COL4A4: variants seen among roughly 807,000 people sequenced by gnomAD.
COL4A4 encodes collagen type IV alpha 4 chain.
In COL4A4, 105 loss-of-function variants were observed where a neutral mutation model predicts 192.9. That is an observed-to-expected ratio of 0.54 (90% CI 0.46 to 0.64). The LOEUF (loss-of-function observed/expected upper bound fraction) is 0.64. Among genes scored for constraint, COL4A4 ranks in the 30% least tolerant of loss-of-function variants. COL4A4 has a pLI of 0.00. For synonymous variants in COL4A4, 762 were observed against 769.9 expected (o/e 0.99, Z 0.17); for missense variants, 1,967 against 2,169.3 (o/e 0.91, Z 1.85).
intron 25 of COL4A4, among the ~76,000 whole-genome samples, chr2:227,065,937 G>A (rs1231580026): frequency 6.6e-6 from 1 of 152,128 alleles, no homozygotes; most frequent in Non-Finnish European, 1.5e-5. Context: ...GAGCTACGGG[G>A]GAACATTCAA....
intron 44 of COL4A4, among the ~76,000 whole-genome samples, chr2:227,019,786 G>C (rs976522854): frequency 1.3e-4 from 20 of 152,224 alleles, no homozygotes; most frequent in African/African-American, 3.9e-4. Flanking sequence ...TCCTGCCTCA[G>C]CCTCCTAAGT....
intron 12 of COL4A4, 76 bp from the exon 13 acceptor site, chr2:227,104,128 A>G (rs760681749): frequency 1.6e-5 from 19 of 1,210,030 alleles, no homozygotes; most frequent in Non-Finnish European, 2.2e-5. Context: ...GTATTGTGGT[A>G]TAATGCTTCC....
Position 227,103,962 on chromosome 2 carries a change from T to C in COL4A4, c.816+10A>G, listed in dbSNP as rs2150805253. 1 of 1,606,826 alleles carries C rather than the reference T, an allele frequency of 6.2e-7. No homozygotes were observed. Among genetic ancestry groups the C allele is most frequent in the Non-Finnish European group, 8.5e-7 (1 of 1,173,918 alleles). ...TACTTTCCAAGGTGACATATGGATT[T>C]GGGAATTACCTTTTCTCCTTTATAG... On this transcript the variant is annotated intron_variant, in intron 13 of 47. Transcript: ENST00000396625.
rs572923977 is a variant in COL4A4, at chr2:227,060,223, G to A, written c.2077C>T (p.Pro693Ser). 7 of 1,612,286 alleles carry A rather than the reference G, an allele frequency of 4.3e-6. No individual in the cohort carries two copies. The South Asian group carries it at 6.6e-5, about 15-fold the overall frequency. The change falls in exon 27 of 48, where the codon CCC (proline) becomes TCC (serine). Residue 693 changes from proline (P) to serine (S), a missense_variant. Transcript: ENST00000396625. The part of the protein sequence containing the change: ...GPPGPKGFPG[P>S]QGAPGLSGSD... ...CCACTCAGCCCAGGGGCACCTTGGG[G>A]ACCTGGAAATCCCTTCGGACCTAAA...
chr2:227,095,611 C>G (rs1576466346), intron 19 of COL4A4, among the ~76,000 whole-genome samples: 2 of 152,290 alleles, frequency 1.3e-5, no homozygotes, highest in East Asian at 3.9e-4. Flanking sequence ...TAGCTGAAAG[C>G]TGGCCAGGCC....
rs762769213 is a variant in COL4A4, at chr2:227,094,216, C to T, written c.1278G>A (p.Gly426=). The T allele has an allele frequency of 5.0e-6, 8 of 1,613,640 alleles. No homozygotes were observed. In the South Asian group the frequency reaches 5.5e-5, roughly 11 times the overall value. ...PGLPGEAGIP[G]RPDSAPGKPG... is the part of the protein sequence containing the mutation. ...GTTTTCCTGGAGCAGAATCAGGTCT[C>T]CCAGGAATACCAGCTTCTCCTGGAA... Residue 426 remains glycine (G), a synonymous_variant, in exon 20 of 48, where the codon GGG becomes GGA. Coordinates refer to ENST00000396625, the MANE Select transcript of COL4A4 (RefSeq NM_000092.5).
intron 4 of COL4A4, among the ~76,000 whole-genome samples, chr2:227,125,834 T>C (rs902675186): frequency 1.3e-5 from 2 of 152,124 alleles, no homozygotes; most frequent in African/African-American, 4.8e-5. Context: ...CACCCGTGAC[T>C]ATCATACCCT....
intron 44 of COL4A4, among the ~76,000 whole-genome samples, chr2:227,013,536 AGAG>A (rs1964258395): frequency 6.6e-6 from 1 of 152,220 alleles, no homozygotes; most frequent in South Asian, 2.1e-4. Context: ...GGAATGGCAC[AGAG>A]GAGAGGCCAC....
At chr2:226,995,345 T>C in the COL4A4 span, 5 of 789,516 alleles carry the variant, frequency 6.3e-6, no homozygotes, top group Non-Finnish European at 1.1e-5. Context: ...ACACCCAAGC[T>C]ATCACTTTGT....
chr2:227,138,412 T>A (rs1182309892), intron 4 of COL4A4, among the ~76,000 whole-genome samples: 1 of 151,912 alleles, frequency 6.6e-6, no homozygotes, highest in African/African-American at 2.4e-5. Context: ...GGCTGGCGGA[T>A]CATGAGGTCA....
rs1000401411 is a variant in COL4A4 at position 227,007,678 on chromosome 2, T to A, written c.4810-90A>T. The A allele has an allele frequency of 3.3e-6, 5 of 1,528,260 alleles. No homozygotes were observed. In the African/African-American group the frequency reaches 5.5e-5, roughly 17 times the overall value. The allele number at this position is 1,528,260 out of a possible 1,614,324, so 94.7% of individuals were successfully genotyped here. A position where few individuals can be genotyped will look rare whatever the true frequency, so the allele number is the denominator to read the frequency against. On this transcript the variant is annotated intron_variant, in intron 47 of 47. Coordinates refer to ENST00000396625, the MANE Select transcript of COL4A4 (RefSeq NM_000092.5). ...GACACACCCAGGTTTGGGTCTGATC[T>A]TAACATTTTTCCTTAGATTATTCCA...
rs1353447962 is a variant in COL4A4, at chr2:227,007,783, G to A, written c.4810-195C>T. On this transcript the variant is annotated intron_variant, in intron 47 of 47. Transcript: ENST00000396625. ...CACACAAATTGGCTCCAGTTTCACC[G>A]ATGGCTGAAGCAAACTCATCTTCTA... 3.9e-5 allele frequency among the ~76,000 whole-genome samples: 6 copies of A among 152,324 alleles called. No homozygotes were observed. In the South Asian group the frequency reaches 6.2e-4, roughly 16 times the overall value.
chr2:227,033,683 C>G (rs1003794935), intron 37 of COL4A4, among the ~76,000 whole-genome samples: 13 of 152,252 alleles, frequency 8.5e-5, no homozygotes, highest in African/African-American at 3.1e-4. Context: ...TCTGCCAAGA[C>G]AGCTTAACAC....
chr2:227,151,634 T>C (rs891657336), intron 1 of COL4A4, among the ~76,000 whole-genome samples: 1 of 152,244 alleles, frequency 6.6e-6, no homozygotes, highest in Non-Finnish European at 1.5e-5. Context: ...AATGTTTGTG[T>C]CCTGCACCTC....
At chr2:226,979,351 GA>G in the COL4A4 span, among the ~76,000 whole-genome samples, 3 of 152,098 alleles carry the variant, frequency 2.0e-5, no homozygotes, top group African/African-American at 4.8e-5. Flanking sequence ...GTGAAAAAAG[GA>G]AAAAACTCAG....
intron 25 of COL4A4, among the ~76,000 whole-genome samples, chr2:227,066,472 T>C (rs1465616135): frequency 6.6e-6 from 1 of 152,004 alleles, no homozygotes; most frequent in Non-Finnish European, 1.5e-5. Flanking sequence ...GAGAGAAAGG[T>C]CGGGTTACCC....
chr2:227,031,018 T>G (rs766726814), intron 40 of COL4A4, among the ~76,000 whole-genome samples: 75 of 87,758 alleles, frequency 8.5e-4, no homozygotes, highest in Admixed American at 1.9e-3. Context: ...TGGATGGATA[T>G]GTGGATAGAT....
chr2:227,102,958 T>G, intron 14 of COL4A4, 110 bp from the exon 15 acceptor site: 1 of 1,214,704 alleles, frequency 8.2e-7, no homozygotes, highest in Non-Finnish European at 1.2e-6. Flanking sequence ...CAAAAATTAT[T>G]GTCAGCAGCT....
intron 1 of COL4A4, among the ~76,000 whole-genome samples, chr2:227,162,401 A>AATTGT (rs2064910356): frequency 6.6e-6 from 1 of 152,204 alleles, no homozygotes; most frequent in Admixed American, 6.5e-5. Context: ...TGTACTTTTT[A>AATTGT]AAATTAAATA....
Sources: allele counts gnomAD v4.1 joint callset (sites outside exome capture counted in the v4.1 genomes callset), GRCh38; gene constraint gnomAD v4.1.1; transcripts MANE v1.5; gene names NCBI Gene and HGNC (gene_info 2026-07-23, HGNC 2026-07-21).